CUBN: variants seen among roughly 807,000 people sequenced by gnomAD.
CUBN encodes 460 kDa receptor.
CUBN carries 282 observed loss-of-function variants against 405.3 expected under a neutral mutation model. The observed-to-expected ratio is 0.70, with a 90% CI of 0.63 to 0.77. CUBN has a LOEUF of 0.77. Ranked by LOEUF, CUBN falls within the 30% of genes least tolerant of loss-of-function variation. The probability of loss-of-function intolerance (pLI) is 0.00; values close to 1 mark genes in which losing one functional copy is unlikely to be tolerated. For synonymous variants in CUBN, 1,684 were observed against 1,617.0 expected (o/e 1.04, Z -0.99); for missense variants, 4,514 against 4,475.2 (o/e 1.01, Z -0.25).
intron 43 of CUBN, among the ~76,000 whole-genome samples, chr10:16,921,950 C>T (rs568296977): frequency 3.3e-5 from 5 of 152,302 alleles, no homozygotes; most frequent in South Asian, 2.1e-4. Context: ...CTCATTTGCT[C>T]GTCATCCAGA....
chr10:16,983,563 C>A (rs924483960), intron 30 of CUBN, among the ~76,000 whole-genome samples: 1 of 152,200 alleles, frequency 6.6e-6, no homozygotes, highest in Non-Finnish European at 1.5e-5. Context: ...GCCTAGTACA[C>A]AGTAAGCATT....
At chr10:16,956,735 A>G (rs1385797846) in intron 31 of CUBN, among the ~76,000 whole-genome samples, 1 of 152,204 alleles carries the variant, frequency 6.6e-6, no homozygotes, top group Non-Finnish European at 1.5e-5. Flanking sequence ...AGTATGGAGA[A>G]TACACCAATT....
intron 22 of CUBN, among the ~76,000 whole-genome samples, chr10:17,053,362 T>G (rs768348237): frequency 2.6e-5 from 4 of 151,814 alleles, no homozygotes; most frequent in Non-Finnish European, 4.4e-5. Flanking sequence ...GAAACTAAGT[T>G]GTAACTAAAA....
chr10:17,006,985 G>T (rs145096340), intron 28 of CUBN, among the ~76,000 whole-genome samples: 103 of 152,236 alleles, frequency 6.8e-4, no homozygotes, highest in African/African-American at 2.4e-3. Flanking sequence ...CCAGCTGAAG[G>T]GTTCGCTCCC....
At chr10:16,964,045 AG>A (rs989241230) in intron 31 of CUBN, among the ~76,000 whole-genome samples, 3 of 152,210 alleles carry the variant, frequency 2.0e-5, no homozygotes, top group African/African-American at 7.2e-5. Context: ...AGAAAACAAA[AG>A]AACTTGAAGC....
chr10:16,986,227 C>A (rs181242722), intron 29 of CUBN, among the ~76,000 whole-genome samples: 1 of 152,196 alleles, frequency 6.6e-6, no homozygotes, highest in Non-Finnish European at 1.5e-5. Context: ...GCCAGGAAGG[C>A]GGCTCTCAGG....
Position 17,044,073 on chromosome 10 carries a change from A to G in CUBN, c.3673-90T>C, listed in dbSNP as rs193241819. ...CCAGAAGAAGTGAGGAAGAAAAAAT[A>G]TATATATTTATTATGTATATATATT... is the stretch of plus-strand genomic sequence containing the variant. On this transcript the variant is annotated intron_variant, in intron 25 of 66. Transcript: ENST00000377833. The G allele has an allele frequency of 1.8e-4, 114 of 631,082 alleles. No homozygotes were observed. The African/African-American group carries it at 1.9e-3, about 10-fold the overall frequency. 39.1% of individuals were successfully genotyped at this position (631,082 alleles called of 1,614,324 possible).
chr10:17,060,185 G>A (rs1316020022), intron 22 of CUBN, among the ~76,000 whole-genome samples: 3 of 151,262 alleles, frequency 2.0e-5, no homozygotes, highest in Non-Finnish European at 4.4e-5. Flanking sequence ...GCAGTGGTGC[G>A]ATTTTCTCTC....
chr10:17,081,736 C>T (rs942333422), intron 17 of CUBN, among the ~76,000 whole-genome samples: 1 of 152,102 alleles, frequency 6.6e-6, no homozygotes, highest in Non-Finnish European at 1.5e-5. Context: ...AGTCAATGTA[C>T]GTCCATCTAG....
intron 38 of CUBN, among the ~76,000 whole-genome samples, chr10:16,938,135 A>G (rs1286964878): frequency 6.6e-6 from 1 of 152,154 alleles, no homozygotes; most frequent in Non-Finnish European, 1.5e-5. Context: ...TGGGGCTTCA[A>G]AGGGAGGAAT....
At chr10:17,007,954 A>T (rs1249004026) in intron 28 of CUBN, among the ~76,000 whole-genome samples, 1 of 152,160 alleles carries the variant, frequency 6.6e-6, no homozygotes, top group Non-Finnish European at 1.5e-5. Context: ...CAGGAGTTTG[A>T]GACCAGCCTG....
At chr10:16,849,918 G>GT (rs1324512950) in intron 60 of CUBN, among the ~76,000 whole-genome samples, 5 of 152,216 alleles carry the variant, frequency 3.3e-5, no homozygotes, top group African/African-American at 1.2e-4. Flanking sequence ...AAAGTCATTA[G>GT]TTTGACTTTC....
intron 13 of CUBN, 89 bp downstream of exon 13, chr10:17,103,036 G>C: frequency 1.2e-6 from 1 of 809,816 alleles, no homozygotes; most frequent in African/African-American, 1.7e-5. Context: ...AATTATCATT[G>C]CATGTATTTT....
intron 57 of CUBN, among the ~76,000 whole-genome samples, 175 bp downstream of exon 57, chr10:16,876,722 C>G (rs1233193510): frequency 3.3e-5 from 5 of 152,110 alleles, no homozygotes; most frequent in African/African-American, 1.2e-4. Flanking sequence ...AGGTCCTCTT[C>G]TTTTTAAGAA....
intron 60 of CUBN, among the ~76,000 whole-genome samples, chr10:16,844,201 AG>A (rs1371914253): frequency 6.6e-6 from 1 of 150,656 alleles, no homozygotes; most frequent in African/African-American, 2.4e-5. Context: ...CCCGGGAGGC[AG>A]AGGTTGCAGT....
intron 54 of CUBN, among the ~76,000 whole-genome samples, chr10:16,893,307 C>G (rs758271643): frequency 6.6e-6 from 1 of 152,148 alleles, no homozygotes; most frequent in Non-Finnish European, 1.5e-5. Context: ...ATACTGACAT[C>G]TTGCAAAACT....
chr10:17,029,902 T>C (rs578083570), intron 27 of CUBN, among the ~76,000 whole-genome samples: 3 of 152,192 alleles, frequency 2.0e-5, no homozygotes, highest in Non-Finnish European at 2.9e-5. Flanking sequence ...GTGGGGCCAA[T>C]TGATGTTAAT....
intron 27 of CUBN, among the ~76,000 whole-genome samples, chr10:17,020,789 A>G (rs566480386): frequency 6.6e-6 from 1 of 152,336 alleles, no homozygotes; most frequent in East Asian, 1.9e-4. Context: ...TATTTATATT[A>G]TAATTCTATT....
chr10:16,952,736 C>T (rs991990189), intron 32 of CUBN, among the ~76,000 whole-genome samples: 1 of 152,148 alleles, frequency 6.6e-6, no homozygotes, highest in Non-Finnish European at 1.5e-5. Flanking sequence ...TTATAAATGA[C>T]CTCTTTTTTT....
Sources: gnomAD v4.1 joint callset for allele counts (sites outside exome capture counted in the v4.1 genomes callset) on GRCh38, gnomAD v4.1.1 for gene constraint, MANE v1.5 for transcripts, NCBI Gene and HGNC (gene_info 2026-07-23, HGNC 2026-07-21) for gene names.